RAPGEF5: variants seen among roughly 807,000 people sequenced by gnomAD.
RAPGEF5 encodes Rap guanine nucleotide exchange factor 5.
Under a neutral mutation model 125.2 loss-of-function variants are expected in RAPGEF5, and 65 were observed. The ratio of observed to expected loss-of-function variants is 0.52; its 90% CI spans 0.43 to 0.64. The LOEUF (loss-of-function observed/expected upper bound fraction) is 0.64. Ranked by LOEUF, RAPGEF5 falls within the 30% of genes least tolerant of loss-of-function variation. The pLI, the probability that RAPGEF5 is intolerant of heterozygous loss-of-function variation, is 0.00. For synonymous variants in RAPGEF5, 391 were observed against 385.9 expected (o/e 1.01, Z -0.16); for missense variants, 958 against 1,048.1 (o/e 0.91, Z 1.19).
At chr7:22,328,600 A>G (rs956904395) in intron 1 of RAPGEF5, among the ~76,000 whole-genome samples, 10 of 152,338 alleles carry the variant, frequency 6.6e-5, no homozygotes, top group Middle Eastern at 3.4e-3. Context: ...ACCTACATAC[A>G]TACATTTATT....
intron 7 of RAPGEF5, among the ~76,000 whole-genome samples, chr7:22,238,749 T>G (rs147142289): frequency 3.3e-5 from 5 of 152,328 alleles, no homozygotes; most frequent in African/African-American, 4.8e-5. Context: ...CCAGTGATGT[T>G]GTAAGGCAGG....
chr7:22,136,084 T>C lies in RAPGEF5; in HGVS notation c.2370A>G (p.Lys790=), dbSNP rs1236973742. 7 of 1,612,920 alleles carry C rather than the reference T, an allele frequency of 4.3e-6. No individual in the cohort carries two copies. The highest frequency in any genetic ancestry group is 5.9e-6 in the Non-Finnish European group (7 of 1,179,362). The change falls in exon 23 of 26, where the codon AAA becomes AAG. Residue 790 remains lysine (K), a synonymous_variant. Coordinates refer to ENST00000665637, the MANE Select transcript of RAPGEF5 (RefSeq NM_012294.5). ...LNHKAYRDAF[K]KMKPPKIPFM... is the part of the protein sequence containing the mutation. ...AAGGGATTTTTGGTGGCTTCATCTT[T>C]TTGAATGCATCTCTGTAGGCTTTGT...
At chr7:22,305,111 T>G (rs7798671) in intron 5 of RAPGEF5, among the ~76,000 whole-genome samples, 37,154 of 152,092 alleles carry the variant, frequency 0.24, 4,647 homozygotes, top group Non-Finnish European at 0.26. Context: ...CACACACAGA[T>G]TCAAACACTA....
In RAPGEF5 at chr7:22,274,947, C is replaced by T. The variant is rs578199642; in HGVS notation, c.748-7935G>A. Among the ~76,000 whole-genome samples, 9 of 152,264 alleles carry T rather than the reference C, an allele frequency of 5.9e-5. No individual in the cohort carries two copies. In the East Asian group the frequency reaches 7.7e-4, roughly 13 times the overall value. ...ACTGCATATATAGCGTTCTTCTGGT[C>T]GGGTCTTCAGTATCATCTCTATCTC... On this transcript the variant is annotated intron_variant, in intron 6 of 25. Transcript: ENST00000665637.
chr7:22,349,492 G>C (rs1258588301), intron 1 of RAPGEF5, among the ~76,000 whole-genome samples: 11 of 150,418 alleles, frequency 7.3e-5, no homozygotes, highest in African/African-American at 2.7e-4. Flanking sequence ...TTTCAAAGTA[G>C]CTTCAAGAGA....
Position 22,156,846 on chromosome 7 carries a change from G to A in RAPGEF5, c.1600C>T (p.Leu534Phe), listed in dbSNP as rs1460479661. 6.2e-7 allele frequency: 1 copy of A among 1,613,958 alleles called. No homozygotes were observed. The highest frequency in any genetic ancestry group is 1.1e-5 in the South Asian group (1 of 91,082). ...FHQFSLKENW[L>F]QHRGTVTETE... Reference sequence around the variant, plus strand: ...TCAGTCACAGTTCCTCTATGCTGGAGCCAGTTCTCCTTAAGACTGAATTGG... The same window carrying A: ...TCAGTCACAGTTCCTCTATGCTGGAACCAGTTCTCCTTAAGACTGAATTGG... The change falls in exon 16 of 26, where the codon CTC (leucine) becomes TTC (phenylalanine). Residue 534 changes from leucine to phenylalanine, a missense_variant. Physicochemically the swap from Leu to Phe is conservative, Grantham distance 22. Transcript: ENST00000665637.
chr7:22,221,005 G>C (rs1785774504), intron 8 of RAPGEF5, among the ~76,000 whole-genome samples: 1 of 152,222 alleles, frequency 6.6e-6, no homozygotes, highest in African/African-American at 2.4e-5. Flanking sequence ...GTGGGCAGCA[G>C]AGAAATGGAA....
At chr7:22,291,876 G>T (rs1782944241) in intron 5 of RAPGEF5, among the ~76,000 whole-genome samples, 1 of 152,020 alleles carries the variant, frequency 6.6e-6, no homozygotes, top group Admixed American at 6.6e-5. Flanking sequence ...TGTTTGTTTG[G>T]GGAAAACAAT....
chr7:22,224,322 T>C (rs967449572), intron 8 of RAPGEF5, among the ~76,000 whole-genome samples: 1 of 152,172 alleles, frequency 6.6e-6, no homozygotes, highest in African/African-American at 2.4e-5. Flanking sequence ...AATGGTGTTA[T>C]AAAATAACTA....
intron 9 of RAPGEF5, among the ~76,000 whole-genome samples, chr7:22,208,273 TA>T (rs529060877): frequency 6.7e-4 from 102 of 151,940 alleles, no homozygotes; most frequent in Admixed American, 3.0e-3. Flanking sequence ...GCTCTACTTA[TA>T]AAAAAAAGGT....
intron 24 of RAPGEF5, among the ~76,000 whole-genome samples, chr7:22,127,966 GAC>G (rs1782800403): frequency 6.6e-6 from 1 of 152,190 alleles, no homozygotes; most frequent in Admixed American, 6.5e-5. Context: ...AATGAGACCT[GAC>G]TCATGTCTGT....
intron 7 of RAPGEF5, among the ~76,000 whole-genome samples, chr7:22,239,894 T>A (rs530423682): frequency 9.9e-5 from 15 of 152,056 alleles, no homozygotes; most frequent in Non-Finnish European, 1.9e-4. Flanking sequence ...GCCATTCTTA[T>A]AAGGAAATGT....
At chr7:22,303,335 T>C (rs551645945) in intron 5 of RAPGEF5, among the ~76,000 whole-genome samples, 115 of 152,352 alleles carry the variant, frequency 7.5e-4, no homozygotes, top group African/African-American at 2.4e-3. Context: ...ACTTTTTTTT[T>C]CTAATTATCT....
At chr7:22,279,305 G>C (rs1782623271) in intron 6 of RAPGEF5, among the ~76,000 whole-genome samples, 1 of 152,116 alleles carries the variant, frequency 6.6e-6, no homozygotes, top group Admixed American at 6.5e-5. Flanking sequence ...TTTTTAAAAA[G>C]TTGAACTTTA....
chr7:22,270,653 T>C (rs1253385545), intron 6 of RAPGEF5, among the ~76,000 whole-genome samples: 1 of 152,196 alleles, frequency 6.6e-6, no homozygotes, highest in Non-Finnish European at 1.5e-5. Flanking sequence ...CAGTAAATTA[T>C]TAGCTTGGCT....
At chr7:22,301,357 T>G (rs886717383) in intron 5 of RAPGEF5, among the ~76,000 whole-genome samples, 4 of 152,200 alleles carry the variant, frequency 2.6e-5, no homozygotes, top group Non-Finnish European at 5.9e-5. Context: ...GGCTCACGCC[T>G]GTAATCTCCG....
intron 12 of RAPGEF5, chr7:22,163,072 T>C (rs539356456): frequency 8.1e-5 from 36 of 445,894 alleles, no homozygotes; most frequent in South Asian, 1.8e-4. Context: ...CTTGAAAACA[T>C]TGGATACATG....
At chr7:22,176,794 G>C (rs1784523339) in intron 11 of RAPGEF5, among the ~76,000 whole-genome samples, 1 of 152,208 alleles carries the variant, frequency 6.6e-6, no homozygotes, top group Non-Finnish European at 1.5e-5. Flanking sequence ...GCCTCCCAAA[G>C]TGCTGGGATT....
At chr7:22,353,939 G>A (rs116730438) in intron 1 of RAPGEF5, among the ~76,000 whole-genome samples, 1 of 152,250 alleles carries the variant, frequency 6.6e-6, no homozygotes, top group African/African-American at 2.4e-5. Context: ...AAGCATGGTG[G>A]TGTGTGCCTG....
Sources: allele counts gnomAD v4.1 joint callset (sites outside exome capture counted in the v4.1 genomes callset), GRCh38; gene constraint gnomAD v4.1.1; transcripts MANE v1.5; gene names NCBI Gene and HGNC (gene_info 2026-07-23, HGNC 2026-07-21).